HOOK1: variants seen among roughly 807,000 people sequenced by gnomAD.
The protein encoded by HOOK1 is protein Hook homolog 1.
A neutral mutation model predicts 112.8 loss-of-function variants in HOOK1; 60 were observed. The ratio of observed to expected loss-of-function variants is 0.53; its 90% CI spans 0.43 to 0.66. HOOK1 has a LOEUF of 0.66. HOOK1 is among the 30% of genes least tolerant of loss of function. HOOK1 has a pLI of 0.00. For missense variants in HOOK1, 770 were observed against 856.0 expected (o/e 0.90, Z 1.25); for synonymous variants, 294 against 283.8 (o/e 1.04, Z -0.36).
At position 59,821,911 on chromosome 1, in the gene HOOK1, T is replaced by C. The variant is rs1160482723; in HGVS notation, c.117T>C (p.Ser39=). Residue 39 remains serine, a synonymous_variant, in exon 2 of 22, where the codon AGT becomes AGC. Transcript: ENST00000371208. The part of the protein sequence containing the change: ...SPCQDVKQLT[S]GVAMAQVLHQ... Reference sequence around the variant, plus strand: ...GTCAAGATGTCAAACAGCTGACTAGTGGAGTTGCCATGGCACAAGTTCTTC... The same window carrying C: ...GTCAAGATGTCAAACAGCTGACTAGCGGAGTTGCCATGGCACAAGTTCTTC... 2 of 1,611,620 alleles carry C rather than the reference T, an allele frequency of 1.2e-6. No homozygotes were observed. Among genetic ancestry groups the C allele is most frequent in the Non-Finnish European group, 1.7e-6 (2 of 1,179,078 alleles).
At chr1:59,864,444 T>C (rs374344235) in intron 16 of HOOK1, among the ~76,000 whole-genome samples, 188 bp from the exon 17 acceptor site, 1 of 152,028 alleles carries the variant, frequency 6.6e-6, no homozygotes, top group South Asian at 2.1e-4. Context: ...TTTCCTTTCC[T>C]TTTTGAAGTA....
At chr1:59,831,310 C>T (rs557182462) in intron 3 of HOOK1, among the ~76,000 whole-genome samples, 1 of 152,298 alleles carries the variant, frequency 6.6e-6, no homozygotes, top group South Asian at 2.1e-4. Context: ...AAAGTAGACT[C>T]ATTACTAAGC....
At chr1:59,824,150 T>C (rs1203304299) in intron 2 of HOOK1, among the ~76,000 whole-genome samples, 2 of 152,234 alleles carry the variant, frequency 1.3e-5, no homozygotes, top group Non-Finnish European at 2.9e-5. Context: ...CCTATTCCGA[T>C]TAAAAGGTTA....
intron 1 of HOOK1, among the ~76,000 whole-genome samples, chr1:59,821,320 A>T (rs2098385445): frequency 6.6e-6 from 1 of 152,230 alleles, no homozygotes; most frequent in African/African-American, 2.4e-5. Context: ...AGATAGAAAC[A>T]ACTTGACGTG....
chr1:59,832,052 G>GT (rs912751209), intron 3 of HOOK1, 111 bp from the exon 4 acceptor site: 1 of 593,792 alleles, frequency 1.7e-6, no homozygotes, highest in Non-Finnish European at 2.9e-6. Context: ...CTATTATAAT[G>GT]TTTTTGTTGT....
chr1:59,864,165 T>G (rs1643915835), intron 16 of HOOK1, among the ~76,000 whole-genome samples: 1 of 152,100 alleles, frequency 6.6e-6, no homozygotes, highest in African/African-American at 2.4e-5. Flanking sequence ...TGGTGTTAGT[T>G]ATTAAAGTAT....
rs1249202718 is a variant in HOOK1 at position 59,828,630 on chromosome 1, TA to T, written c.150-149del. On this transcript the variant is annotated intron_variant, in intron 2 of 21. Transcript: ENST00000371208. ...GGTGCAAATAACTTAAATAACTTAA[TA>T]TGATAAATTATTGCTATATAAGTAA... 1.3e-5 allele frequency: 7 copies of T among 559,794 alleles called. No individual in the cohort carries two copies. In the Middle Eastern group the frequency reaches 1.4e-3, roughly 111 times the overall value. The allele number at this position is 559,794 out of a possible 1,614,324, so 34.7% of individuals were successfully genotyped here.
chr1:59,835,388 T>C lies in HOOK1; in HGVS notation c.450T>C (p.His150=). 6.3e-7 allele frequency: 1 copy of C among 1,591,690 alleles called. No individual in the cohort carries two copies. Among genetic ancestry groups the C allele is most frequent in the South Asian group, 1.1e-5 (1 of 90,216 alleles). Residue 150 remains histidine, a synonymous_variant, in exon 6 of 22, where the codon CAT becomes CAC. Transcript: ENST00000371208. ...TGACACTGGAAGAGTCTGTTCAACATGTGGTCATGACTGCTATTCAAGAGG... is the reference window on the plus strand; with the variant it reads ...TGACACTGGAAGAGTCTGTTCAACACGTGGTCATGACTGCTATTCAAGAGG... The part of the protein sequence containing the change: ...NIMTLEESVQ[H]VVMTAIQELM...
intron 2 of HOOK1, among the ~76,000 whole-genome samples, chr1:59,823,308 A>G (rs953561960): frequency 6.6e-6 from 1 of 152,266 alleles, no homozygotes; most frequent in African/African-American, 2.4e-5. Flanking sequence ...TGACAGAGCA[A>G]GACTCCGTCT....
At chr1:59,855,984 ATTTTTTTT>A (rs1167413179) in intron 12 of HOOK1, among the ~76,000 whole-genome samples, 23 of 60,280 alleles carry the variant, frequency 3.8e-4, no homozygotes, top group African/African-American at 1.7e-3. Context: ...ATATATATAT[ATTTTTTTT>A]TTTTTTTTTT....
At chr1:59,826,227 T>C (rs1194786754) in intron 2 of HOOK1, among the ~76,000 whole-genome samples, 1 of 152,190 alleles carries the variant, frequency 6.6e-6, no homozygotes, top group Non-Finnish European at 1.5e-5. Flanking sequence ...GTCCCCTTTC[T>C]TATTTGATAT....
Position 59,875,970 on chromosome 1 carries a change from C to T in HOOK1, c.*3005C>T, listed in dbSNP as rs1644121930. 1 of 152,718 alleles carries T rather than the reference C, an allele frequency of 6.5e-6. No individual in the cohort carries two copies. Among genetic ancestry groups the T allele is most frequent in the East Asian group, 1.9e-4 (1 of 5,184 alleles). 9.5% of individuals were successfully genotyped at this position (152,718 alleles called of 1,614,324 possible). On this transcript the variant is annotated 3_prime_UTR_variant, in exon 22 of 22. Transcript: ENST00000371208. Reference sequence around the variant, plus strand: ...CTATTTCTTTCTAGGGCACTTCTGACCCTGGGGCTTGGGGATGGCCTTTAG... The same window carrying T: ...CTATTTCTTTCTAGGGCACTTCTGATCCTGGGGCTTGGGGATGGCCTTTAG...
At chr1:59,820,485 G>A (rs1020697979) in intron 1 of HOOK1, among the ~76,000 whole-genome samples, 7 of 152,042 alleles carry the variant, frequency 4.6e-5, no homozygotes, top group Admixed American at 2.0e-4. Context: ...ATACTGAACT[G>A]CATGTTCCCT....
At chr1:59,857,372 A>T (rs543125109) in intron 12 of HOOK1, among the ~76,000 whole-genome samples, 13 of 152,324 alleles carry the variant, frequency 8.5e-5, no homozygotes, top group African/African-American at 3.1e-4. Flanking sequence ...AAAAGTTAAA[A>T]GAGCAAAAAG....
rs138491178 is a variant in HOOK1, at chr1:59,862,794, G to A, written c.1543G>A (p.Glu515Lys). 21 of 1,608,004 alleles carry A rather than the reference G, an allele frequency of 1.3e-5. No homozygotes were observed. In the South Asian group the frequency reaches 2.2e-4, roughly 17 times the overall value. ...CCCATCTTACAATAGGCTGAGCAAAGAGCGTATTAGAGAATTGCAGCAGCA... is the reference window on the plus strand; with the variant it reads ...CCCATCTTACAATAGGCTGAGCAAAAAGCGTATTAGAGAATTGCAGCAGCA... The part of the protein sequence containing the change: ...ELETEQRLSK[E>K]RIRELQQQIE... The change falls in exon 16 of 22, where the codon GAG becomes AAG. Residue 515 changes from glutamate (E) to lysine (K), a missense_variant. Physicochemically the swap from Glu to Lys is moderately conservative, Grantham distance 56 (BLOSUM62 1). Around this residue, in one of 3 missense-constraint regions of HOOK1, gnomAD observed 655 missense variants for 725.9 expected, o/e 0.90. Coordinates refer to ENST00000371208, the MANE Select transcript of HOOK1 (RefSeq NM_015888.6).
chr1:59,872,589 TTAAA>T (rs758153425), intron 21 of HOOK1, among the ~76,000 whole-genome samples: 3 of 152,188 alleles, frequency 2.0e-5, no homozygotes, highest in Non-Finnish European at 4.4e-5. Context: ...AATTTAGTGA[TTAAA>T]TAGAGAAAAT....
At chr1:59,830,902 T>A (rs1341373097) in intron 3 of HOOK1, among the ~76,000 whole-genome samples, 1 of 149,358 alleles carries the variant, frequency 6.7e-6, no homozygotes, top group African/African-American at 2.4e-5. Flanking sequence ...TTTTTTAAGT[T>A]TTTTTTTTTT....
intron 1 of HOOK1, among the ~76,000 whole-genome samples, chr1:59,821,214 T>G (rs1008304838): frequency 6.6e-6 from 1 of 152,212 alleles, no homozygotes; most frequent in African/African-American, 2.4e-5. Context: ...TCATATTTGC[T>G]TATTGTAAAA....
chr1:59,848,226 A>T, intron 10 of HOOK1, 89 bp from the exon 11 acceptor site: 1 of 903,230 alleles, frequency 1.1e-6, no homozygotes, highest in Non-Finnish European at 1.7e-6. Flanking sequence ...CTTTTTTGTG[A>T]TAGTTTGGAA....
Sources: allele counts gnomAD v4.1 joint callset (sites outside exome capture counted in the v4.1 genomes callset), GRCh38; gene constraint gnomAD v4.1.1; regional missense constraint gnomAD v4.1.1; transcripts MANE v1.5; gene names NCBI Gene and HGNC (gene_info 2026-07-23, HGNC 2026-07-21).